Variants in ARPP21 observed in about 807,000 individuals in gnomAD.
The protein encoded by ARPP21 is cAMP regulated phosphoprotein 21.
A neutral mutation model predicts 113.2 loss-of-function variants in ARPP21; 69 were observed. The ratio of observed to expected loss-of-function variants is 0.61; its 90% CI spans 0.50 to 0.74. The LOEUF is 0.74. ARPP21 is among the 30% of genes least tolerant of loss of function. The probability of loss-of-function intolerance (pLI) is 0.00; values close to 1 mark genes in which losing one functional copy is unlikely to be tolerated. For missense variants in ARPP21, 1,070 were observed against 1,037.4 expected, an observed-to-expected ratio of 1.03 and a Z score of -0.43; for synonymous variants, 368 against 375.5, an observed-to-expected ratio of 0.98 and a Z score of 0.23.
At chr3:35,695,810 G>A (rs1348685675) in intron 9 of ARPP21, among the ~76,000 whole-genome samples, 1 of 151,534 alleles carries the variant, frequency 6.6e-6, no homozygotes. Flanking sequence ...ATTTTGTTGA[G>A]ATGGTTGTGT....
At chr3:35,770,694 C>T (rs2096169700) in intron 19 of ARPP21, among the ~76,000 whole-genome samples, 1 of 152,152 alleles carries the variant, frequency 6.6e-6, no homozygotes, top group African/African-American at 2.4e-5. Flanking sequence ...GGTAGATAGC[C>T]TGCCAGAAGA....
intron 6 of ARPP21, 62 bp downstream of exon 6, chr3:35,687,945 A>G: frequency 6.8e-7 from 1 of 1,480,300 alleles, no homozygotes; most frequent in Non-Finnish European, 9.1e-7. Flanking sequence ...CACAGAACAC[A>G]TTCTAGATTT....
chr3:35,647,100 C>T (rs1437658554), intron 1 of ARPP21, among the ~76,000 whole-genome samples: 1 of 152,118 alleles, frequency 6.6e-6, no homozygotes, highest in African/African-American at 2.4e-5. Flanking sequence ...CATTGTTAAG[C>T]ACTCTGACAA....
intron 1 of ARPP21, among the ~76,000 whole-genome samples, chr3:35,661,352 T>C (rs1707738028): frequency 6.6e-6 from 1 of 151,634 alleles, no homozygotes; most frequent in Non-Finnish European, 1.5e-5. Flanking sequence ...CCTCCAGGCA[T>C]ATCCACAAGG....
At chr3:35,665,984 A>G (rs2074273086) in intron 1 of ARPP21, among the ~76,000 whole-genome samples, 1 of 152,120 alleles carries the variant, frequency 6.6e-6, no homozygotes, top group South Asian at 2.1e-4. Context: ...ATGATGGCTC[A>G]ACTGGGCTGT....
intron 6 of ARPP21, among the ~76,000 whole-genome samples, chr3:35,688,718 TC>T (rs1390824987): frequency 6.6e-6 from 1 of 151,626 alleles, no homozygotes; most frequent in East Asian, 1.9e-4. Context: ...CTGAGGAATA[TC>T]TAAAATCCAA....
intron 11 of ARPP21, chr3:35,715,157 C>T (rs1302976018): frequency 1.7e-5 from 5 of 301,908 alleles, no homozygotes; most frequent in Non-Finnish European, 2.5e-5. Flanking sequence ...CACGTTTCTC[C>T]AGCTGTTTCA....
chr3:35,664,697 G>A (rs1559540539), intron 1 of ARPP21, among the ~76,000 whole-genome samples: 1 of 152,148 alleles, frequency 6.6e-6, no homozygotes, highest in Non-Finnish European at 1.5e-5. Flanking sequence ...GGGCTGTGGC[G>A]GTTGCGTTTC....
chr3:35,739,638 T>C, intron 18 of ARPP21, 61 bp downstream of exon 18: 14 of 1,526,848 alleles, frequency 9.2e-6, no homozygotes, highest in Non-Finnish European at 1.2e-5. Context: ...TTGACCTTTA[T>C]CTTTCTATGT....
At chr3:35,668,881 A>G (rs1309957952) in intron 1 of ARPP21, among the ~76,000 whole-genome samples, 1 of 152,150 alleles carries the variant, frequency 6.6e-6, no homozygotes, top group Non-Finnish European at 1.5e-5. Context: ...GAGGCATAGA[A>G]CACATTTTTC....
At chr3:35,734,807 G>C (rs2094234519) in intron 15 of ARPP21, among the ~76,000 whole-genome samples, 1 of 152,104 alleles carries the variant, frequency 6.6e-6, no homozygotes, top group Admixed American at 6.6e-5. Flanking sequence ...AATTTATTGA[G>C]CTATACAATA....
At chr3:35,738,154 C>A (rs1576463428) in intron 16 of ARPP21, 60 bp from the exon 17 acceptor site, 2 of 1,077,142 alleles carry the variant, frequency 1.9e-6, no homozygotes, top group Non-Finnish European at 2.7e-6. Flanking sequence ...TGGTGTGCAT[C>A]TTGTGAGATT....
In ARPP21 at chr3:35,721,776, G is replaced by C; in HGVS notation, c.1167G>C (p.Val389=). Residue 389 remains valine (V), a synonymous_variant, in exon 14 of 21, where the codon GTG becomes GTC. Coordinates refer to ENST00000684406, the MANE Select transcript of ARPP21 (RefSeq NM_001385562.1). ...TKTASFGGIT[V]LTRGDSTSST... is the part of the protein sequence containing the mutation. The stretch of plus-strand genomic sequence containing the variant: ...CGGCGAGTTTTGGGGGCATCACGGT[G>C]CTGACCAGGGGTGACAGCACTTCCA... 5.6e-6 allele frequency: 9 copies of C among 1,613,548 alleles called. No individual in the cohort carries two copies. The highest frequency in any genetic ancestry group is 7.6e-6 in the Non-Finnish European group (9 of 1,179,746).
intron 12 of ARPP21, 124 bp from the exon 13 acceptor site, chr3:35,717,174 C>G: frequency 1.8e-6 from 1 of 564,262 alleles, no homozygotes; most frequent in Non-Finnish European, 3.2e-6. Context: ...CAAAATTCAA[C>G]ATCATATAAA....
At chr3:35,654,628 G>A (rs1451864820) in intron 1 of ARPP21, among the ~76,000 whole-genome samples, 1 of 152,032 alleles carries the variant, frequency 6.6e-6, no homozygotes, top group African/African-American at 2.4e-5. Flanking sequence ...GAATGCACAC[G>A]CTCATTCCTT....
intron 19 of ARPP21, among the ~76,000 whole-genome samples, chr3:35,790,359 A>G (rs2096723786): frequency 6.6e-6 from 1 of 152,200 alleles, no homozygotes. Flanking sequence ...TTTCTTATGT[A>G]TATAATAATT....
chr3:35,674,550 G>A (rs1201166537), intron 1 of ARPP21, among the ~76,000 whole-genome samples: 2 of 151,778 alleles, frequency 1.3e-5, no homozygotes, highest in South Asian at 2.1e-4. Context: ...CAAAACCTGG[G>A]TATACTTTAT....
chr3:35,668,006 AAGAAG>A (rs1559549809), intron 1 of ARPP21, among the ~76,000 whole-genome samples: 4 of 149,556 alleles, frequency 2.7e-5, no homozygotes, highest in African/African-American at 7.4e-5. Flanking sequence ...GAAGAAGAAG[AAGAAG>A]AAGAAGAAGA....
At chr3:35,758,099 T>C (rs2095636956) in intron 19 of ARPP21, among the ~76,000 whole-genome samples, 1 of 152,100 alleles carries the variant, frequency 6.6e-6, no homozygotes, top group South Asian at 2.1e-4. Flanking sequence ...TAATAATTAA[T>C]CACAACATTC....
Sources: allele counts gnomAD v4.1 joint callset (sites outside exome capture counted in the v4.1 genomes callset), GRCh38; gene constraint gnomAD v4.1.1; transcripts MANE v1.5; gene names NCBI Gene and HGNC (gene_info 2026-07-23, HGNC 2026-07-21).